NCAM2: variants seen among roughly 807,000 people sequenced by gnomAD.
NCAM2 encodes N-CAM-2.
NCAM2 carries 30 observed loss-of-function variants against 98.1 expected under a neutral mutation model. The ratio of observed to expected loss-of-function variants is 0.31; its 90% confidence interval spans 0.23 to 0.41. The LOEUF (loss-of-function observed/expected upper bound fraction) is 0.41. NCAM2 is among the 10% of genes least tolerant of loss of function. The pLI is 1.00. For missense variants in NCAM2, 867 were observed against 1,005.8 expected (o/e 0.86, Z 1.87); for synonymous variants, 368 against 342.4 (o/e 1.07, Z -0.83).
chr21:21,024,709 C>A (rs13052622), intron 1 of NCAM2, among the ~76,000 whole-genome samples: 1 of 152,030 alleles, frequency 6.6e-6, no homozygotes, highest in African/African-American at 2.4e-5. Flanking sequence ...AACCCCGTCT[C>A]TACTAAAAAT....
chr21:21,004,454 T>C (rs1452433288), intron 1 of NCAM2, among the ~76,000 whole-genome samples: 6 of 152,144 alleles, frequency 3.9e-5, no homozygotes, highest in African/African-American at 1.4e-4. Flanking sequence ...TGGGAGTAGA[T>C]TTTCCAACTT....
intron 1 of NCAM2, among the ~76,000 whole-genome samples, chr21:21,121,787 G>T (rs778518847): frequency 1.3e-5 from 2 of 152,208 alleles, no homozygotes; most frequent in Non-Finnish European, 2.9e-5. Context: ...GAATCATGCC[G>T]TTGAAGTGGC....
At position 21,418,537 on chromosome 21, in the gene NCAM2, C is replaced by T; in HGVS notation, c.1448C>T (p.Thr483Ile). The T allele has an allele frequency of 1.9e-6, 3 of 1,611,598 alleles. No individual in the cohort carries two copies. Among genetic ancestry groups the T allele is most frequent in the Non-Finnish European group, 2.5e-6 (3 of 1,177,934 alleles). Residue 483 changes from threonine to isoleucine, a missense_variant, in exon 11 of 18, where the codon ACA becomes ATA. Physicochemically the swap from Thr to Ile is moderately conservative, Grantham distance 89. Transcript: ENST00000400546. ...TGCACAGCCACTAATCATATAGGAA[C>T]AAGATTTCAAGAATATATTCTTGCT... ...YNCTATNHIGTRFQEYILALA... is the reference protein window; with the variant it reads ...YNCTATNHIGIRFQEYILALA...
intron 1 of NCAM2, among the ~76,000 whole-genome samples, chr21:21,168,679 A>C (rs1323284340): frequency 7.6e-6 from 1 of 131,714 alleles, no homozygotes; most frequent in Non-Finnish European, 1.8e-5. Context: ...ATTTGAAACT[A>C]AAACACATTA....
At chr21:21,346,681 T>C (rs1356539019) in intron 8 of NCAM2, among the ~76,000 whole-genome samples, 1 of 152,162 alleles carries the variant, frequency 6.6e-6, no homozygotes, top group African/African-American at 2.4e-5. Flanking sequence ...AAGCATCCTC[T>C]CTGACCACAA....
chr21:21,235,423 T>C (rs1459580240), intron 1 of NCAM2, among the ~76,000 whole-genome samples: 1 of 152,016 alleles, frequency 6.6e-6, no homozygotes, highest in Non-Finnish European at 1.5e-5. Context: ...TAAATTAACG[T>C]GACCAGCATT....
chr21:21,345,174 C>G (rs975548470), intron 8 of NCAM2, among the ~76,000 whole-genome samples: 11 of 152,010 alleles, frequency 7.2e-5, no homozygotes, highest in African/African-American at 2.7e-4. Context: ...TAAGCCCAAA[C>G]AGTGAAGAAT....
intron 9 of NCAM2, among the ~76,000 whole-genome samples, chr21:21,395,915 A>C (rs1003652606): frequency 6.6e-6 from 1 of 152,312 alleles, no homozygotes; most frequent in Non-Finnish European, 1.5e-5. Flanking sequence ...AAATCCTAGA[A>C]GATAACATGG....
At chr21:21,331,144 C>T (rs1489780211) in intron 6 of NCAM2, among the ~76,000 whole-genome samples, 1 of 151,848 alleles carries the variant, frequency 6.6e-6, no homozygotes, top group Non-Finnish European at 1.5e-5. Context: ...TTTTCTCCCT[C>T]TTGTTTTATT....
At chr21:21,405,860 C>A (rs2076729109) in intron 9 of NCAM2, among the ~76,000 whole-genome samples, 1 of 152,156 alleles carries the variant, frequency 6.6e-6, no homozygotes, top group Non-Finnish European at 1.5e-5. Flanking sequence ...TCTTCTTTGA[C>A]TTTCTGATAA....
chr21:21,499,166 C>G (rs1431176279), intron 15 of NCAM2, among the ~76,000 whole-genome samples: 4 of 152,144 alleles, frequency 2.6e-5, no homozygotes, highest in African/African-American at 9.7e-5. Flanking sequence ...CAGTAAAATG[C>G]GTAGCTAAAA....
intron 5 of NCAM2, among the ~76,000 whole-genome samples, chr21:21,302,564 C>T (rs886757821): frequency 2.6e-5 from 4 of 152,086 alleles, no homozygotes; most frequent in East Asian, 1.9e-4. Context: ...TACTGTCTCA[C>T]ACCACTCAGA....
intron 1 of NCAM2, among the ~76,000 whole-genome samples, chr21:21,214,304 T>C (rs1476955896): frequency 6.6e-6 from 1 of 152,180 alleles, no homozygotes; most frequent in East Asian, 1.9e-4. Context: ...CTGCATTCTT[T>C]AGTAATGTCA....
At chr21:21,500,063 C>G (rs1987527622) in intron 15 of NCAM2, among the ~76,000 whole-genome samples, 1 of 152,028 alleles carries the variant, frequency 6.6e-6, no homozygotes, top group Admixed American at 6.6e-5. Flanking sequence ...GAAGTGGATA[C>G]TCAGCTCTTC....
intron 15 of NCAM2, among the ~76,000 whole-genome samples, chr21:21,490,728 T>C (rs893605286): frequency 6.6e-6 from 1 of 151,864 alleles, no homozygotes; most frequent in African/African-American, 2.4e-5. Flanking sequence ...TTCATTGATG[T>C]CATGTATAAC....
intron 3 of NCAM2, among the ~76,000 whole-genome samples, chr21:21,286,009 A>G (rs1026409391): frequency 5.3e-5 from 8 of 151,974 alleles, no homozygotes; most frequent in African/African-American, 1.7e-4. Context: ...GAGAGGAGAA[A>G]TTGAGATTGG....
chr21:21,482,939 GATTA>G (rs1262443481), intron 15 of NCAM2, among the ~76,000 whole-genome samples: 1 of 151,920 alleles, frequency 6.6e-6, no homozygotes, highest in Non-Finnish European at 1.5e-5. Flanking sequence ...AACTATAGCA[GATTA>G]ATTGTTATAA....
In NCAM2 at chr21:21,417,981, G is replaced by A. The variant is rs1289965317; in HGVS notation, c.1384-492G>A. Among the ~76,000 whole-genome samples the A allele has an allele frequency of 3.9e-5, 6 of 152,066 alleles. No homozygotes were observed. The East Asian group carries it at 9.7e-4, about 25-fold the overall frequency. ...ATATCACATATCTGGAGACTTTGTT[G>A]AACATTAAAGCAAACTGATCTGAGG... is the stretch of plus-strand genomic sequence containing the variant. On this transcript the variant is annotated intron_variant, in intron 10 of 17. Transcript: ENST00000400546.
chr21:21,515,543 T>C (rs114106314), intron 16 of NCAM2, among the ~76,000 whole-genome samples: 2,545 of 152,280 alleles, frequency 0.017, 69 homozygotes, highest in African/African-American at 0.057. Context: ...GCAAATTGCT[T>C]TCCTAACAAG....
Sources: allele counts gnomAD v4.1 joint callset (sites outside exome capture counted in the v4.1 genomes callset), GRCh38; gene constraint gnomAD v4.1.1; transcripts MANE v1.5; gene names NCBI Gene and HGNC (gene_info 2026-07-23, HGNC 2026-07-21).